Variants in CACNA1H observed in about 807,000 individuals in gnomAD.
CACNA1H encodes the protein calcium voltage-gated channel subunit alpha1 H.
CACNA1H carries 149 observed loss-of-function variants against 192.5 expected under a neutral mutation model. That is an observed-to-expected ratio of 0.77 (90% confidence interval 0.68 to 0.89). The LOEUF (loss-of-function observed/expected upper bound fraction) is 0.89. Among genes scored for constraint, CACNA1H ranks in the 40% least tolerant of loss-of-function variants. CACNA1H has a pLI of 0.00. For synonymous variants in CACNA1H, 2,202 were observed against 1,475.2 expected (o/e 1.49, Z -11.29); for missense variants, 4,257 against 3,423.5 (o/e 1.24, Z -6.08).
intron 9 of CACNA1H, among the ~76,000 whole-genome samples, chr16:1,202,780 G>T (rs917183604): frequency 6.6e-6 from 1 of 152,148 alleles, no homozygotes; most frequent in African/African-American, 2.4e-5. Context: ...GGGACCGTAT[G>T]CTTGTGTCCA....
At chr16:1,189,705 G>T (rs1459716381) in intron 2 of CACNA1H, among the ~76,000 whole-genome samples, 1 of 152,050 alleles carries the variant, frequency 6.6e-6, no homozygotes, top group Non-Finnish European at 1.5e-5. Context: ...TTATGGGTGT[G>T]AACCACCGGG....
chr16:1,162,698 T>C (rs966686574), intron 2 of CACNA1H, among the ~76,000 whole-genome samples: 2 of 150,502 alleles, frequency 1.3e-5, no homozygotes, highest in African/African-American at 4.9e-5. Context: ...TGAAGGGGTC[T>C]GGGGGCCGCA....
intron 34 of CACNA1H, 132 bp downstream of exon 34, chr16:1,219,262 G>A (rs1048664635): frequency 7.8e-5 from 68 of 868,580 alleles, no homozygotes; most frequent in Non-Finnish European, 1.0e-4. Context: ...TTGGGGCTCC[G>A]AAGGTTTCTG....
In CACNA1H at chr16:1,218,239, C is replaced by T. The variant is rs772230722; in HGVS notation, c.5475C>T (p.Asp1825=). The change falls in exon 33 of 35, where the codon GAC becomes GAT. Residue 1825 remains aspartate, a synonymous_variant. Coordinates refer to ENST00000348261, the MANE Select transcript of CACNA1H (RefSeq NM_021098.3). The stretch of plus-strand genomic sequence containing the variant: ...CGCTGCGCGAGTGCTCCCGTGAGGA[C>T]AAGCACTGCCTGAGCTACCTGCCGG... ...KDTLRECSRE[D]KHCLSYLPAL... is the part of the protein sequence containing the mutation. 3.2e-6 allele frequency: 5 copies of T among 1,550,428 alleles called. No homozygotes were observed. The South Asian group carries it at 5.9e-5, about 18-fold the overall frequency.
chr16:1,194,178 C>T (rs915297731), intron 2 of CACNA1H, among the ~76,000 whole-genome samples: 2 of 152,040 alleles, frequency 1.3e-5, no homozygotes, highest in Admixed American at 1.3e-4. Flanking sequence ...GGGCGGCCAC[C>T]GGGCTGCCCC....
intron 2 of CACNA1H, among the ~76,000 whole-genome samples, chr16:1,168,312 G>C (rs1203830503): frequency 6.6e-6 from 1 of 152,124 alleles, no homozygotes; most frequent in Non-Finnish European, 1.5e-5. Flanking sequence ...CCTGAGGCCT[G>C]CAGTTCCCAA....
chr16:1,183,263 G>A lies in CACNA1H; in HGVS notation c.300-11709G>A, dbSNP rs937124235. ...GACGGGTTCTATTGCGTCTGATGGCGCCGCGTTCCCCCAGTTTTCCCCCAG... is the reference window on the plus strand; with the variant it reads ...GACGGGTTCTATTGCGTCTGATGGCACCGCGTTCCCCCAGTTTTCCCCCAG... On this transcript the variant is annotated intron_variant, in intron 2 of 34. Coordinates refer to ENST00000348261, the MANE Select transcript of CACNA1H (RefSeq NM_021098.3). 1.6e-4 allele frequency among the ~76,000 whole-genome samples: 24 copies of A among 152,254 alleles called. No homozygotes were observed. In the South Asian group the frequency reaches 2.3e-3, roughly 14 times the overall value.
rs1315496756 is a variant in CACNA1H at position 1,199,757 on chromosome 16, C to T, written c.804-499C>T. The stretch of plus-strand genomic sequence containing the variant: ...CCCTGAGCCCACACCCCGGGGTTCC[C>T]TGCCCTCAGCCCTCACCCCTGGATC... On this transcript the variant is annotated intron_variant, in intron 6 of 34. Coordinates refer to ENST00000348261, the MANE Select transcript of CACNA1H (RefSeq NM_021098.3). Among the ~76,000 whole-genome samples, 6 of 151,434 alleles carry T rather than the reference C, an allele frequency of 4.0e-5. No individual in the cohort carries two copies. The East Asian group carries it at 9.9e-4, about 25-fold the overall frequency.
At position 1,220,163 on chromosome 16, in the gene CACNA1H, C is replaced by G; in HGVS notation, c.6231C>G (p.Arg2077=). The change falls in exon 35 of 35, where the codon CGC becomes CGG. Residue 2077 remains arginine (R), a synonymous_variant. Transcript: ENST00000348261. ...VRTRKHTFGQ[R]CVSSRPAAPG... ...CTCGTAAGCATACCTTCGGACAGCG[C>G]TGCGTCTCCAGCCGGCCGGCGGCCC... 1 of 1,522,452 alleles carries G rather than the reference C, an allele frequency of 6.6e-7. No individual in the cohort carries two copies. Among genetic ancestry groups the G allele is most frequent in the Non-Finnish European group, 8.8e-7 (1 of 1,137,740 alleles). 94.3% of individuals were successfully genotyped at this position (1,522,452 alleles called of 1,614,324 possible).
In CACNA1H at chr16:1,221,066, G is replaced by A. The variant is rs978474100; in HGVS notation, c.*72G>A. On this transcript the variant is annotated 3_prime_UTR_variant, in exon 35 of 35. Transcript: ENST00000348261. The stretch of plus-strand genomic sequence containing the variant: ...CCCCGCTGGGGTGGAGGCCCAGGCA[G>A]AACCCTGCATGGACCCTGACTTGGG... 18 of 1,201,776 alleles carry A rather than the reference G, an allele frequency of 1.5e-5. No individual in the cohort carries two copies. The highest frequency in any genetic ancestry group is 2.0e-5 in the Non-Finnish European group (17 of 870,908). 74.4% of individuals were successfully genotyped at this position (1,201,776 alleles called of 1,614,324 possible).
rs560924144 is a variant in CACNA1H at position 1,161,840 on chromosome 16, C to T, written c.299+7804C>T. Among the ~76,000 whole-genome samples, 8 of 152,336 alleles carry T rather than the reference C, an allele frequency of 5.3e-5. 1 individual carries two copies. Among genetic ancestry groups the T allele is most frequent in the Non-Finnish European group, 1.0e-4 (7 of 68,024 alleles). On this transcript the variant is annotated intron_variant, in intron 2 of 34. Transcript: ENST00000348261. ...TGAGCAGCACCCGGACCTCCTGGGTCCCCTTGCCGCAGCCTGCCTGTGGGG... is the reference window on the plus strand; with the variant it reads ...TGAGCAGCACCCGGACCTCCTGGGTTCCCTTGCCGCAGCCTGCCTGTGGGG...
intron 2 of CACNA1H, among the ~76,000 whole-genome samples, chr16:1,155,531 G>T (rs1268408503): frequency 2.0e-5 from 3 of 152,192 alleles, no homozygotes; most frequent in African/African-American, 7.2e-5. Context: ...TGGGAGGCTG[G>T]CCCCGAGCCA....
intron 2 of CACNA1H, among the ~76,000 whole-genome samples, chr16:1,154,408 C>T (rs974857271): frequency 1.3e-5 from 2 of 152,136 alleles, no homozygotes; most frequent in Admixed American, 6.5e-5. Context: ...TTGCCCACCC[C>T]TCACTGTCTG....
rs781760253 is a variant in CACNA1H at position 1,205,298 on chromosome 16, C to G, written c.2603+33C>G. 4.5e-6 allele frequency: 7 copies of G among 1,572,880 alleles called. No homozygotes were observed. The South Asian group carries it at 8.0e-5, about 18-fold the overall frequency. On this transcript the variant is annotated intron_variant, in intron 11 of 34. Transcript: ENST00000348261. ...CCCACCCTCTCCCCAGGAAGAGGGG[C>G]CCGGGAAGCTCCACTCTCTGGCAGA...
intron 2 of CACNA1H, among the ~76,000 whole-genome samples, chr16:1,156,003 C>T (rs1216855232): frequency 1.3e-5 from 2 of 152,114 alleles, no homozygotes; most frequent in Non-Finnish European, 2.9e-5. Flanking sequence ...GGATGGTGCT[C>T]TCAGCCTGGG....
chr16:1,207,709 G>A (rs754108648), intron 14 of CACNA1H, 61 bp from the exon 15 acceptor site: 256 of 1,426,276 alleles, frequency 1.8e-4, no homozygotes, highest in Non-Finnish European at 2.3e-4. Context: ...ACTTCTGTCC[G>A]GCATGAAGGG....
intron 11 of CACNA1H, among the ~76,000 whole-genome samples, chr16:1,205,866 G>T (rs942711955): frequency 6.6e-6 from 1 of 152,224 alleles, no homozygotes; most frequent in African/African-American, 2.4e-5. Context: ...GCCAGAGCCA[G>T]GCTTCTTTCC....
Position 1,172,043 on chromosome 16 carries a change from G to T in CACNA1H, c.299+18007G>T, listed in dbSNP as rs142264912. 6.9e-3 allele frequency among the ~76,000 whole-genome samples: 1,058 copies of T among 152,334 alleles called. 10 individuals carry two copies. Among genetic ancestry groups the T allele is most frequent in the African/African-American group, 0.024 (992 of 41,570 alleles). On this transcript the variant is annotated intron_variant, in intron 2 of 34. Transcript: ENST00000348261. ...CCGAGTGGGTCGGCTCAAGGTCCTG[G>T]GGTCCCCAGCAGCCTTCACTGAACT...
intron 6 of CACNA1H, 145 bp from the exon 7 acceptor site, chr16:1,200,111 G>A (rs990022422): frequency 6.0e-6 from 4 of 662,086 alleles, no homozygotes; most frequent in African/African-American, 1.8e-5. Context: ...CCCTAACCGT[G>A]CCTCCCTAAC....
Sources: gnomAD v4.1 joint callset for allele counts (sites outside exome capture counted in the v4.1 genomes callset) on GRCh38, gnomAD v4.1.1 for gene constraint, MANE v1.5 for transcripts, NCBI Gene and HGNC (gene_info 2026-07-23, HGNC 2026-07-21) for gene names.